RGS7: variants seen among roughly 807,000 people sequenced by gnomAD.
RGS7 encodes regulator of G protein signaling 7.
RGS7 carries 27 observed loss-of-function variants against 81.1 expected under a neutral mutation model. The ratio of observed to expected loss-of-function variants is 0.33; its 90% CI spans 0.25 to 0.46. The LOEUF is 0.46. RGS7 is among the 20% of genes least tolerant of loss of function. The pLI, the probability that RGS7 is intolerant of heterozygous loss-of-function variation, is 1.00. For missense variants in RGS7, 396 were observed against 607.4 expected (o/e 0.65, Z 3.66); for synonymous variants, 208 against 207.7 (o/e 1.00, Z -0.01).
intron 2 of RGS7, among the ~76,000 whole-genome samples, chr1:241,173,723 A>G (rs1456905682): frequency 2.0e-5 from 3 of 152,162 alleles, no homozygotes; most frequent in African/African-American, 7.2e-5. Context: ...TGAGGCTGCA[A>G]TCAGCCATGA....
At chr1:240,835,227 C>T (rs922982996) in intron 9 of RGS7, among the ~76,000 whole-genome samples, 38 of 152,150 alleles carry the variant, frequency 2.5e-4, no homozygotes, top group African/African-American at 9.2e-4. Context: ...AAGTAAAGAA[C>T]TCTTAAAACC....
chr1:241,248,293 T>G (rs2076647530), intron 2 of RGS7, among the ~76,000 whole-genome samples: 1 of 150,524 alleles, frequency 6.6e-6, no homozygotes, highest in Non-Finnish European at 1.5e-5. Context: ...CTGTGCATCT[T>G]TATATTTAAA....
intron 3 of RGS7, among the ~76,000 whole-genome samples, chr1:241,091,728 G>C (rs1401228150): frequency 3.3e-5 from 5 of 150,802 alleles, no homozygotes; most frequent in Middle Eastern, 3.5e-3. Context: ...ACTACAAAAA[G>C]TTTAAAAAAT....
At chr1:241,041,806 A>G (rs138198258) in intron 3 of RGS7, among the ~76,000 whole-genome samples, 138 of 152,284 alleles carry the variant, frequency 9.1e-4, no homozygotes, top group African/African-American at 3.2e-3. Context: ...GGACACTTAC[A>G]ATGAACTAAC....
intron 3 of RGS7, among the ~76,000 whole-genome samples, chr1:241,070,775 G>A (rs1019607693): frequency 1.2e-4 from 4 of 34,736 alleles, no homozygotes; most frequent in East Asian, 2.2e-3. Flanking sequence ...AGAAGGCCAC[G>A]TTTGGGTAGC....
chr1:240,794,496 A>G (rs1192616229), intron 18 of RGS7, among the ~76,000 whole-genome samples: 2 of 152,222 alleles, frequency 1.3e-5, no homozygotes, highest in Non-Finnish European at 1.5e-5. Context: ...ATGGGGAACA[A>G]ATCCAATGGC....
At chr1:240,934,417 CGTAAAA>C (rs1676245165) in intron 5 of RGS7, among the ~76,000 whole-genome samples, 1 of 152,140 alleles carries the variant, frequency 6.6e-6, no homozygotes, top group South Asian at 2.1e-4. Context: ...TTGGAACCAA[CGTAAAA>C]ACAGAAGTGA....
intron 6 of RGS7, among the ~76,000 whole-genome samples, chr1:240,877,000 G>A (rs1168232100): frequency 1.3e-5 from 2 of 152,014 alleles, no homozygotes; most frequent in Admixed American, 1.3e-4. Flanking sequence ...CATAATTCTA[G>A]GACTTGCTTT....
chr1:241,132,741 ATTTG>A (rs751782828), intron 2 of RGS7, among the ~76,000 whole-genome samples: 11,234 of 150,984 alleles, frequency 0.074, 445 homozygotes, highest in African/African-American at 0.11. Flanking sequence ...TCAACTTATT[ATTTG>A]TTTGTTTGTT....
chr1:241,341,022 C>T (rs1015615683), intron 2 of RGS7, among the ~76,000 whole-genome samples: 2 of 152,176 alleles, frequency 1.3e-5, no homozygotes, highest in African/African-American at 4.8e-5. Context: ...AGAAACTGTT[C>T]AAATTTAACC....
At chr1:241,112,803 C>A (rs754756524) in intron 2 of RGS7, among the ~76,000 whole-genome samples, 1 of 152,182 alleles carries the variant, frequency 6.6e-6, no homozygotes, top group Non-Finnish European at 1.5e-5. Context: ...CAAGGCACTA[C>A]AACGTTAAGA....
chr1:240,800,767 T>G, intron 17 of RGS7, 46 bp from the exon 18 acceptor site: 1 of 1,212,522 alleles, frequency 8.2e-7, no homozygotes. Flanking sequence ...GCTTACACAA[T>G]GTCAGAAAGT....
intron 2 of RGS7, among the ~76,000 whole-genome samples, chr1:241,169,332 G>A (rs2070531883): frequency 8.3e-6 from 1 of 120,262 alleles, no homozygotes; most frequent in Admixed American, 9.9e-5. Flanking sequence ...ATGTATGTGT[G>A]TTTCTTTTTT....
At chr1:241,280,763 A>C (rs1290284853) in intron 2 of RGS7, among the ~76,000 whole-genome samples, 1 of 152,210 alleles carries the variant, frequency 6.6e-6, no homozygotes, top group Non-Finnish European at 1.5e-5. Context: ...AGCTTCCCAA[A>C]GTGCTGGGAG....
At chr1:240,780,463 A>G (rs1683809385) in intron 18 of RGS7, among the ~76,000 whole-genome samples, 1 of 148,934 alleles carries the variant, frequency 6.7e-6, no homozygotes, top group African/African-American at 2.5e-5. Context: ...AAAAAAAAAA[A>G]AAGTGCTTCC....
At chr1:241,352,533 T>C (rs919858555) in intron 2 of RGS7, among the ~76,000 whole-genome samples, 1 of 152,234 alleles carries the variant, frequency 6.6e-6, no homozygotes, top group African/African-American at 2.4e-5. Flanking sequence ...TGACATCAAA[T>C]GAACTCTACT....
At chr1:240,804,290 A>G (rs1210355428) in intron 15 of RGS7, among the ~76,000 whole-genome samples, 1 of 152,184 alleles carries the variant, frequency 6.6e-6, no homozygotes, top group African/African-American at 2.4e-5. Flanking sequence ...TACTCTTTTA[A>G]GTGCTTTCCT....
At chr1:241,220,995 A>AG (rs2074907959) in intron 2 of RGS7, among the ~76,000 whole-genome samples, 4 of 42,322 alleles carry the variant, frequency 9.5e-5, no homozygotes, top group African/African-American at 2.9e-4. Context: ...GGAAGGAAGG[A>AG]AGAGAGAGAG....
chr1:241,143,429 A>G (rs55697961), intron 2 of RGS7, among the ~76,000 whole-genome samples: 10,290 of 152,260 alleles, frequency 0.068, 638 homozygotes, highest in East Asian at 0.17. Context: ...CAATCATGGC[A>G]GAAGGCAAGG....
Sources: gnomAD v4.1 joint callset for allele counts (sites outside exome capture counted in the v4.1 genomes callset) on GRCh38, gnomAD v4.1.1 for gene constraint, MANE v1.5 for transcripts, NCBI Gene and HGNC (gene_info 2026-07-23, HGNC 2026-07-21) for gene names.